ZFYVE26: variants seen among roughly 807,000 people sequenced by gnomAD.
ZFYVE26 encodes zinc finger FYVE-type containing 26.
A neutral mutation model predicts 276.5 loss-of-function variants in ZFYVE26; 181 were observed. That is an observed-to-expected ratio of 0.65 (90% confidence interval 0.58 to 0.74). ZFYVE26 has a LOEUF of 0.74. Among genes scored for constraint, ZFYVE26 ranks in the 30% least tolerant of loss-of-function variants. ZFYVE26 has a pLI of 0.00. For synonymous variants in ZFYVE26, 1,129 were observed against 1,203.1 expected (o/e 0.94, Z 1.27); for missense variants, 2,821 against 3,097.9 (o/e 0.91, Z 2.12).
At chr14:67,806,781 T>A in intron 5 of ZFYVE26, 106 bp from the exon 6 acceptor site, 1 of 1,375,956 alleles carries the variant, frequency 7.3e-7, no homozygotes, top group Non-Finnish European at 1.0e-6. Context: ...TTTTAAAAAC[T>A]TAGGCTGGGT....
In ZFYVE26 at chr14:67,755,229, T is replaced by C; in HGVS notation, c.6808A>G (p.Thr2270Ala). The part of the protein sequence containing the change: ...FMKDQVRAAM[T>A]CIRFFSHKAK... ...TTGTGACTGAAGAACCGAATACAGG[T>C]CATGGCGGCCCGAACTTGGTCCTAG... The change falls in exon 37 of 42, where the codon ACC becomes GCC. Residue 2270 changes from threonine (T) to alanine (A), a missense_variant. Physicochemically the swap from Thr to Ala is moderately conservative, Grantham distance 58. Transcript: ENST00000347230. 6.2e-7 allele frequency: 1 copy of C among 1,614,166 alleles called. No individual in the cohort carries two copies. The highest frequency in any genetic ancestry group is 8.5e-7 in the Non-Finnish European group (1 of 1,180,030).
At position 67,783,324 on chromosome 14, in the gene ZFYVE26, C is replaced by T. The variant is rs372552407; in HGVS notation, c.3828G>A (p.Pro1276=). The T allele has an allele frequency of 3.8e-5, 61 of 1,612,682 alleles. No individual in the cohort carries two copies. The highest frequency in any genetic ancestry group is 3.3e-5 in the Admixed American group (2 of 59,950). Residue 1276 remains proline (P), a synonymous_variant, in exon 21 of 42, where the codon CCG becomes CCA. Coordinates refer to ENST00000347230, the MANE Select transcript of ZFYVE26 (RefSeq NM_015346.4). The part of the protein sequence containing the change: ...DDLPLSTPSS[P]RTTENPTLER... ...CCAATGTAGGGTTCTCAGTTGTCCT[C>T]GGGGAGCTCGGTGTAGAAAGTGGGA...
chr14:67,807,984 C>T (rs1215984115), intron 4 of ZFYVE26, 64 bp from the exon 5 acceptor site: 1 of 1,575,118 alleles, frequency 6.3e-7, no homozygotes, highest in African/African-American at 1.4e-5. Context: ...ACTTGTGTGC[C>T]TTCATGCTTT....
At chr14:67,753,988 A>C in intron 38 of ZFYVE26, 83 bp downstream of exon 38, 1 of 1,605,830 alleles carries the variant, frequency 6.2e-7, no homozygotes, top group Non-Finnish European at 8.5e-7. Flanking sequence ...AAACAACTGA[A>C]ATAATCACTA....
At chr14:67,812,466 T>C (rs893488553) in intron 3 of ZFYVE26, among the ~76,000 whole-genome samples, 1 of 152,198 alleles carries the variant, frequency 6.6e-6, no homozygotes, top group African/African-American at 2.4e-5. Context: ...AGCCAGTAAA[T>C]TCCTAGATGA....
chr14:67,796,995 T>G (rs1277713876), intron 12 of ZFYVE26: 1 of 152,118 alleles, frequency 6.6e-6, no homozygotes, highest in Non-Finnish European at 1.5e-5. Flanking sequence ...GGAAAAATAA[T>G]AAGACCTACT....
chr14:67,766,408 G>A lies in ZFYVE26; in HGVS notation c.5830C>T (p.His1944Tyr). The change falls in exon 32 of 42, where the codon CAC becomes TAC. Residue 1944 changes from histidine to tyrosine, a missense_variant. By Grantham distance (83) the His-to-Tyr change is moderately conservative. Transcript: ENST00000347230. ...ASLCIAILNLHRDSIACGHQL... is the reference protein window; with the variant it reads ...ASLCIAILNLYRDSIACGHQL... ...TGACCACAGGCAATGCTGTCCCGGT[G>A]CAGATTCAGGATGGCAATGCACAAG... 6.2e-7 allele frequency: 1 copy of A among 1,612,456 alleles called. No homozygotes were observed. Among genetic ancestry groups the A allele is most frequent in the Middle Eastern group, 2.2e-4 (1 of 4,640 alleles).
intron 27 of ZFYVE26, among the ~76,000 whole-genome samples, chr14:67,774,606 G>A (rs560593485): frequency 6.6e-6 from 1 of 152,282 alleles, no homozygotes; most frequent in South Asian, 2.1e-4. Context: ...CCAATTCTGG[G>A]ACCTGTTAGT....
intron 22 of ZFYVE26, 142 bp from the exon 23 acceptor site, chr14:67,780,487 A>T (rs2039470756): frequency 1.3e-6 from 1 of 757,212 alleles, no homozygotes; most frequent in African/African-American, 1.7e-5. Context: ...AAAGAGAGCA[A>T]ATTGGGCAAA....
intron 33 of ZFYVE26, 70 bp downstream of exon 33, chr14:67,762,602 T>C: frequency 6.2e-7 from 1 of 1,606,060 alleles, no homozygotes; most frequent in Middle Eastern, 2.2e-4. Flanking sequence ...CAACACCTGT[T>C]TGCAAGGCTA....
At chr14:67,738,568 A>G (rs530732453) in intron 13 of ZFYVE26, among the ~76,000 whole-genome samples, 51 of 151,960 alleles carry the variant, frequency 3.4e-4, no homozygotes, top group Middle Eastern at 6.8e-3. Flanking sequence ...TGTTCTGTGT[A>G]GTAAGACTTA....
intron 14 of ZFYVE26, among the ~76,000 whole-genome samples, chr14:67,792,017 G>C (rs2039827199): frequency 6.9e-6 from 1 of 145,710 alleles, no homozygotes; most frequent in African/African-American, 2.6e-5. Context: ...CCGAGATCGA[G>C]CCACTGCACT....
At chr14:67,753,943 T>C (rs1175136284) in intron 38 of ZFYVE26, 128 bp downstream of exon 38, 7 of 1,539,238 alleles carry the variant, frequency 4.5e-6, no homozygotes, top group Non-Finnish European at 4.5e-6. Context: ...CAGTCTTTGG[T>C]GGCTCATATT....
At chr14:67,770,122 CCAAGGTTATTTTAG>C (rs2039169512) in intron 28 of ZFYVE26, 1 of 298,664 alleles carries the variant, frequency 3.3e-6, no homozygotes, top group South Asian at 3.4e-5. Context: ...TTTGTTTTCC[CCAAGGTTATTTTAG>C]CAGGTGCCAT....
intron 13 of ZFYVE26, chr14:67,733,701 G>A: frequency 7.7e-7 from 1 of 1,294,564 alleles, no homozygotes; most frequent in Non-Finnish European, 1.1e-6. Context: ...TTTCCAGACT[G>A]CTAATTCTCA....
chr14:67,730,852 C>T (rs975632442), intron 13 of ZFYVE26, among the ~76,000 whole-genome samples: 1 of 152,182 alleles, frequency 6.6e-6, no homozygotes, highest in Non-Finnish European at 1.5e-5. Flanking sequence ...GATCCACCTG[C>T]CTTGGCCTCC....
chr14:67,758,085 G>A (rs2038835170), intron 35 of ZFYVE26, among the ~76,000 whole-genome samples: 1 of 152,126 alleles, frequency 6.6e-6, no homozygotes. Context: ...AATCATCTTG[G>A]CATTTAGACT....
rs1013932530 is a variant in ZFYVE26, at chr14:67,802,291, C to T, written c.1436-9G>A. On this transcript the variant is annotated splice_polypyrimidine_tract_variant and intron_variant, in intron 9 of 41. Transcript: ENST00000347230. ...TGGAGCATCAACTGCATCTGAATTA[C>T]AAAGAGAAACAGGCTGAACTTGAGA... 1.1e-5 allele frequency: 17 copies of T among 1,613,816 alleles called. No homozygotes were observed. Among genetic ancestry groups the T allele is most frequent in the Non-Finnish European group, 1.4e-5 (16 of 1,179,898 alleles).
At position 67,797,719 on chromosome 14, in the gene ZFYVE26, C is replaced by T. The variant is rs745706908; in HGVS notation, c.2285G>A (p.Arg762His). 36 of 1,614,006 alleles carry T rather than the reference C, an allele frequency of 2.2e-5. No homozygotes were observed. Among genetic ancestry groups the T allele is most frequent in the East Asian group, 4.5e-5 (2 of 44,888 alleles). The change falls in exon 12 of 42, where the codon CGT (arginine) becomes CAT (histidine). Residue 762 changes from arginine to histidine, a missense_variant. Physicochemically the swap from Arg to His is conservative, Grantham distance 29 (BLOSUM62 0). Coordinates refer to ENST00000347230, the MANE Select transcript of ZFYVE26 (RefSeq NM_015346.4). Reference protein sequence around the residue: ...QPSRRYQPATRHPSLRRGRRT... With the variant: ...QPSRRYQPATHHPSLRRGRRT... The stretch of plus-strand genomic sequence containing the variant: ...ACGACCCCGGCGGAGACTGGGGTGA[C>T]GTGTGGCAGGCTGGTATCTTCGGGA...
Sources: gnomAD v4.1 joint callset for allele counts (sites outside exome capture counted in the v4.1 genomes callset) on GRCh38, gnomAD v4.1.1 for gene constraint, MANE v1.5 for transcripts, NCBI Gene and HGNC (gene_info 2026-07-23, HGNC 2026-07-21) for gene names.